KBTBD12: variants seen among roughly 807,000 people sequenced by gnomAD.
KBTBD12 encodes the protein kelch repeat and BTB domain-containing protein 12.
KBTBD12 carries 53 observed loss-of-function variants against 58.7 expected under a neutral mutation model. The ratio of observed to expected loss-of-function variants is 0.90; its 90% CI spans 0.72 to 1.14. KBTBD12 has a LOEUF of 1.14. KBTBD12 is among the 50% of genes most tolerant of loss of function. The pLI, the probability that KBTBD12 is intolerant of heterozygous loss-of-function variation, is 0.00. For missense variants in KBTBD12, 704 were observed against 751.3 expected (o/e 0.94, Z 0.74); for synonymous variants, 236 against 259.8 (o/e 0.91, Z 0.88).
At chr3:127,977,792 C>T (rs1454242241) in intron 5 of KBTBD12, among the ~76,000 whole-genome samples, 5 of 151,982 alleles carry the variant, frequency 3.3e-5, no homozygotes, top group South Asian at 2.1e-4. Flanking sequence ...TTTACTCTGT[C>T]GATAGTTTCT....
Position 127,923,625 on chromosome 3 carries a change from A to G in KBTBD12, c.564A>G (p.Ile188Met), listed in dbSNP as rs779298064. ...TTATTAAATCAGATGATCTTAACAT[A>G]TCCAGAGAAGAGAGCATTCTGGACT... Reference protein sequence around the residue: ...LTLIKSDDLNISREESILDLV... With the variant: ...LTLIKSDDLNMSREESILDLV... Residue 188 changes from isoleucine to methionine, a missense_variant, in exon 2 of 6, where the codon ATA becomes ATG. Transcript: ENST00000405109. The G allele has an allele frequency of 3.1e-6, 5 of 1,613,756 alleles. No homozygotes were observed. Among genetic ancestry groups the G allele is most frequent in the Middle Eastern group, 3.3e-4 (2 of 6,062 alleles).
At chr3:127,917,413 A>G (rs989807166) in intron 1 of KBTBD12, among the ~76,000 whole-genome samples, 3 of 152,156 alleles carry the variant, frequency 2.0e-5, no homozygotes, top group African/African-American at 7.2e-5. Context: ...CACTTCGGGA[A>G]CCCTCCACAT....
At chr3:127,946,983 A>C (rs1252699134) in intron 4 of KBTBD12, among the ~76,000 whole-genome samples, 1 of 152,064 alleles carries the variant, frequency 6.6e-6, no homozygotes, top group Non-Finnish European at 1.5e-5. Flanking sequence ...TCTCTTTCAT[A>C]GATTCCACTT....
chr3:127,928,137 A>G, intron 3 of KBTBD12, 103 bp downstream of exon 3: 2 of 1,006,640 alleles, frequency 2.0e-6, no homozygotes, highest in Non-Finnish European at 3.0e-6. Flanking sequence ...TGTGACTTAC[A>G]TTTTGGTAAA....
chr3:127,923,309 CG>C lies in KBTBD12; in HGVS notation c.250del (p.Val84CysfsTer3), dbSNP rs1341074674. The C allele has an allele frequency of 3.1e-6, 5 of 1,613,520 alleles. No homozygotes were observed. The highest frequency in any genetic ancestry group is 4.2e-6 in the Non-Finnish European group (5 of 1,179,742). ...TATGACATCACAGCAGAAAGTGTGTCGGTGTTATTAAATTACATGTACAATG... is the reference window on the plus strand; with the variant it reads ...TATGACATCACAGCAGAAAGTGTGTCGTGTTATTAAATTACATGTACAATG... ...ILYDITAESV[S>X]VLLNYMYNAA... On this transcript the variant is annotated frameshift_variant, in exon 2 of 6. Coordinates refer to ENST00000405109, the MANE Select transcript of KBTBD12 (RefSeq NM_207335.4). LOFTEE classifies it high-confidence loss of function.
In KBTBD12 at chr3:127,930,264, C is replaced by T; in HGVS notation, c.1473C>T (p.Asn491=). Reference sequence around the variant, plus strand: ...ACCGATTCAGTACAGCTGTAGTCAACAGTGAGATTTATGTTTTGGGTAAGA... The same window carrying T: ...ACCGATTCAGTACAGCTGTAGTCAATAGTGAGATTTATGTTTTGGGTAAGA... The part of the protein sequence containing the change: ...SKYRFSTAVV[N]SEIYVLGGIG... The change falls in exon 4 of 6, where the codon AAC becomes AAT. Residue 491 remains asparagine, a synonymous_variant. Coordinates refer to ENST00000405109, the MANE Select transcript of KBTBD12 (RefSeq NM_207335.4). 1 of 1,611,566 alleles carries T rather than the reference C, an allele frequency of 6.2e-7. No individual in the cohort carries two copies. The highest frequency in any genetic ancestry group is 1.1e-5 in the South Asian group (1 of 90,638).
Position 127,984,933 on chromosome 3 carries a change from C to G in KBTBD12, c.*655C>G, listed in dbSNP as rs1345114029. On this transcript the variant is annotated 3_prime_UTR_variant, in exon 6 of 6. Coordinates refer to ENST00000405109, the MANE Select transcript of KBTBD12 (RefSeq NM_207335.4). ...GACCATTCTCCTTCAGAATCCCCTT[C>G]TACTGAAGCAACGCCACCCAGCAGC... The G allele has an allele frequency of 1.3e-5, 2 of 152,430 alleles. No individual in the cohort carries two copies. The highest frequency in any genetic ancestry group is 2.9e-5 in the Non-Finnish European group (2 of 68,200). 9.4% of individuals were successfully genotyped at this position (152,430 alleles called of 1,614,324 possible).
rs1559778228 is a variant in KBTBD12 at position 127,984,388 on chromosome 3, C to T, written c.*110C>T. 3 of 1,039,754 alleles carry T rather than the reference C, an allele frequency of 2.9e-6. No individual in the cohort carries two copies. Among genetic ancestry groups the T allele is most frequent in the Non-Finnish European group, 1.4e-6 (1 of 715,148 alleles). 64.4% of individuals were successfully genotyped at this position (1,039,754 alleles called of 1,614,324 possible). A position where few individuals can be genotyped will look rare whatever the true frequency, so the allele number is the denominator to read the frequency against. On this transcript the variant is annotated 3_prime_UTR_variant, in exon 6 of 6. Coordinates refer to ENST00000405109, the MANE Select transcript of KBTBD12 (RefSeq NM_207335.4). ...TCATGTGCACTGCATGCGTAGTGGC[C>T]TGTGTGTGAAGAAGCAGTGTGTGCT...
At chr3:127,949,704 T>G (rs2107603374) in intron 4 of KBTBD12, among the ~76,000 whole-genome samples, 1 of 152,340 alleles carries the variant, frequency 6.6e-6, no homozygotes. Context: ...AAATCCAAGT[T>G]GCGAAACAGA....
At chr3:127,974,543 A>C (rs1940743375) in intron 5 of KBTBD12, among the ~76,000 whole-genome samples, 1 of 152,168 alleles carries the variant, frequency 6.6e-6, no homozygotes, top group Non-Finnish European at 1.5e-5. Context: ...TAAGAGTGAG[A>C]AGCTAAGATC....
At chr3:127,933,350 T>C (rs1939750303) in intron 4 of KBTBD12, among the ~76,000 whole-genome samples, 1 of 151,964 alleles carries the variant, frequency 6.6e-6, no homozygotes. Context: ...GGGGCTGACA[T>C]GTTTGTGAGT....
intron 4 of KBTBD12, among the ~76,000 whole-genome samples, chr3:127,952,345 C>A (rs939030120): frequency 1.3e-5 from 2 of 152,128 alleles, no homozygotes; most frequent in African/African-American, 4.8e-5. Flanking sequence ...GAGTGATGTC[C>A]ATTGGCCATT....
rs1173178209 is a variant in KBTBD12 at position 127,945,212 on chromosome 3, TCTCG to T, written c.1492+14933_1492+14936del. Among the ~76,000 whole-genome samples the T allele has an allele frequency of 4.0e-5, 5 of 124,328 alleles. No homozygotes were observed. In the East Asian group the frequency reaches 1.3e-3, roughly 33 times the overall value. The allele number at this position is 124,328 out of a possible 152,430, so 81.6% of individuals were successfully genotyped here. A position where few individuals can be genotyped will look rare whatever the true frequency, so the allele number is the denominator to read the frequency against. On this transcript the variant is annotated intron_variant, in intron 4 of 5. Transcript: ENST00000405109. The stretch of plus-strand genomic sequence containing the variant: ...TTTTTTTTTTTTTTTTGAGACGGAG[TCTCG>T]CTCTGTCGCCCAGGCTGGAGTGCAG...
intron 1 of KBTBD12, among the ~76,000 whole-genome samples, chr3:127,916,639 C>T (rs1021360337): frequency 6.7e-6 from 1 of 148,714 alleles, no homozygotes; most frequent in African/African-American, 2.5e-5. Flanking sequence ...TCATTTTTTT[C>T]AGTAGATGCT....
chr3:127,946,334 C>T (rs775417402), intron 4 of KBTBD12, among the ~76,000 whole-genome samples: 1 of 151,984 alleles, frequency 6.6e-6, no homozygotes, highest in African/African-American at 2.4e-5. Context: ...AATTAATTCT[C>T]TTGGCTTTTG....
intron 2 of KBTBD12, among the ~76,000 whole-genome samples, chr3:127,925,006 T>C (rs1939530805): frequency 6.6e-6 from 1 of 152,200 alleles, no homozygotes; most frequent in Non-Finnish European, 1.5e-5. Flanking sequence ...TTTACCATGG[T>C]TTGTTCAGAC....
chr3:127,930,170 A>C lies in KBTBD12; in HGVS notation c.1379A>C (p.Asn460Thr). ...LPDEEPDRLS[N>T]KLLQYDPSQD... ...GATGAAGAACCTGATCGATTAAGCAACAAACTGTTGCAGTATGACCCCAGC... is the reference window on the plus strand; with the variant it reads ...GATGAAGAACCTGATCGATTAAGCACCAAACTGTTGCAGTATGACCCCAGC... Residue 460 changes from asparagine (N) to threonine (T), a missense_variant, in exon 4 of 6, where the codon AAC becomes ACC. Asn to Thr is a moderately conservative substitution (Grantham distance 65). Transcript: ENST00000405109. The C allele has an allele frequency of 1.2e-6, 2 of 1,600,456 alleles. No homozygotes were observed. Among genetic ancestry groups the C allele is most frequent in the Non-Finnish European group, 1.7e-6 (2 of 1,172,684 alleles).
chr3:127,986,505 G>A lies in KBTBD12; in HGVS notation c.*2227G>A, dbSNP rs2063354182. ...TCTTTCTTTTTTTTTTTTTTTTTGA[G>A]ACGGAGTCTCTCTCTCTCGCCAGGC... On this transcript the variant is annotated 3_prime_UTR_variant, in exon 6 of 6. Transcript: ENST00000405109. 1 of 141,820 alleles carries A rather than the reference G, an allele frequency of 7.1e-6. No homozygotes were observed. The highest frequency in any genetic ancestry group is 1.5e-5 in the Non-Finnish European group (1 of 66,188). The allele number at this position is 141,820 out of a possible 1,614,324, so 8.8% of individuals were successfully genotyped here. A position where few individuals can be genotyped will look rare whatever the true frequency, so the allele number is the denominator to read the frequency against.
At chr3:127,921,267 A>C (rs1029986835) in intron 1 of KBTBD12, among the ~76,000 whole-genome samples, 5 of 152,124 alleles carry the variant, frequency 3.3e-5, no homozygotes, top group Non-Finnish European at 7.4e-5. Flanking sequence ...TAAGGATTCA[A>C]AACCAGGTCT....
Sources: gnomAD v4.1 joint callset for allele counts (sites outside exome capture counted in the v4.1 genomes callset) on GRCh38, gnomAD v4.1.1 for gene constraint, MANE v1.5 for transcripts, NCBI Gene and HGNC (gene_info 2026-07-23, HGNC 2026-07-21) for gene names.